Variants in NDST4 observed in about 807,000 individuals in gnomAD.
The protein encoded by NDST4 is N-deacetylase and N-sulfotransferase 4.
A neutral mutation model predicts 100.8 loss-of-function variants in NDST4; 63 were observed. That is an observed-to-expected ratio of 0.62 (90% CI 0.51 to 0.77). The LOEUF is 0.77. Ranked by LOEUF, NDST4 falls within the 30% of genes least tolerant of loss-of-function variation. The probability of loss-of-function intolerance (pLI) is 0.00; values close to 1 mark genes in which losing one functional copy is unlikely to be tolerated. For missense variants in NDST4, 943 were observed against 1,018.4 expected, an observed-to-expected ratio of 0.93 and a Z score of 1.01; for synonymous variants, 377 against 361.8, an observed-to-expected ratio of 1.04 and a Z score of -0.48.
At chr4:115,085,065 A>G (rs1371165698) in intron 1 of NDST4, among the ~76,000 whole-genome samples, 1 of 152,198 alleles carries the variant, frequency 6.6e-6, no homozygotes, top group East Asian at 1.9e-4. Context: ...GGAGCTCCCC[A>G]AGGCCATGGG....
At position 115,076,281 on chromosome 4, in the gene NDST4, G is replaced by C. The variant is rs753361023; in HGVS notation, c.756C>G (p.Leu252=). 6.2e-7 allele frequency: 1 copy of C among 1,614,006 alleles called. No homozygotes were observed. The highest frequency in any genetic ancestry group is 8.5e-7 in the Non-Finnish European group (1 of 1,179,936). The part of the protein sequence containing the change: ...KSLSSLSSKT[L]FATVIQDLGL... ...CCAGATCCTGAATCACCGTTGCAAA[G>C]AGTGTTTTGCTAGACAAGGATGACA... Residue 252 remains leucine, a synonymous_variant, in exon 2 of 14, where the codon CTC becomes CTG. Transcript: ENST00000264363.
chr4:114,936,963 G>A (rs58633184), intron 5 of NDST4, among the ~76,000 whole-genome samples: 1,796 of 152,262 alleles, frequency 0.012, 38 homozygotes, highest in African/African-American at 0.041. Flanking sequence ...TACTCTGCCT[G>A]TAAAACTCTC....
chr4:115,038,994 T>A lies in NDST4; in HGVS notation c.978+37065A>T, dbSNP rs192809700. Among the ~76,000 whole-genome samples, 515 of 152,032 alleles carry A rather than the reference T, an allele frequency of 3.4e-3. 3 individuals carry two copies. Among genetic ancestry groups the A allele is most frequent in the Non-Finnish European group, 4.0e-3 (275 of 67,944 alleles). ...TACTACCTCAGAAAGAAAAAAAAAA[T>A]TCTCAAAATATGTTGTCAGCAGCAT... On this transcript the variant is annotated intron_variant, in intron 2 of 13. Coordinates refer to ENST00000264363, the MANE Select transcript of NDST4 (RefSeq NM_022569.3).
In NDST4 at chr4:115,036,916, G is replaced by T. The variant is rs181393351; in HGVS notation, c.978+39143C>A. ...ATATATTTATCTGCAAATAAAATGG[G>T]TTAAATAAAAAGCACAAGTTAGTTA... On this transcript the variant is annotated intron_variant, in intron 2 of 13. Transcript: ENST00000264363. 3.4e-3 allele frequency among the ~76,000 whole-genome samples: 518 copies of T among 151,838 alleles called. 3 individuals are homozygous for T. Among genetic ancestry groups the T allele is most frequent in the Non-Finnish European group, 4.1e-3 (277 of 67,868 alleles).
intron 2 of NDST4, among the ~76,000 whole-genome samples, chr4:115,049,271 G>A (rs557292507): frequency 2.6e-5 from 4 of 151,662 alleles, no homozygotes; most frequent in Non-Finnish European, 5.9e-5. Context: ...GGAAAAGGGC[G>A]ATCATTAAAG....
At position 115,076,271 on chromosome 4, in the gene NDST4, C is replaced by A; in HGVS notation, c.766G>T (p.Val256Leu). 1 of 1,613,980 alleles carries A rather than the reference C, an allele frequency of 6.2e-7. No homozygotes were observed. Among genetic ancestry groups the A allele is most frequent in the Non-Finnish European group, 8.5e-7 (1 of 1,179,932 alleles). Residue 256 changes from valine to leucine, a missense_variant, in exon 2 of 14, where the codon GTG becomes TTG. This residue lies in a region of NDST4 where 417 missense variants were observed against 384.2 expected (regional missense o/e 1.09). Transcript: ENST00000264363. ...TCATGAAGCCCCAGATCCTGAATCA[C>A]CGTTGCAAAGAGTGTTTTGCTAGAC... ...SLSSKTLFAT[V>L]IQDLGLHDGI... is the part of the protein sequence containing the mutation.
chr4:115,072,762 T>C (rs1157099182), intron 2 of NDST4, among the ~76,000 whole-genome samples: 2 of 151,940 alleles, frequency 1.3e-5, no homozygotes, highest in Non-Finnish European at 2.9e-5. Flanking sequence ...GGAACTTCTA[T>C]GATGTTGGTC....
At chr4:115,087,854 A>G (rs1279856595) in intron 1 of NDST4, among the ~76,000 whole-genome samples, 2 of 151,910 alleles carry the variant, frequency 1.3e-5, no homozygotes, top group African/African-American at 4.8e-5. Context: ...AACAAAATTT[A>G]TGTATATTTT....
chr4:114,900,286 T>C (rs1724807258), intron 6 of NDST4, among the ~76,000 whole-genome samples: 1 of 152,068 alleles, frequency 6.6e-6, no homozygotes, highest in African/African-American at 2.4e-5. Context: ...CAGCTTTTGG[T>C]TTCTTGATTT....
At chr4:114,852,530 T>C (rs756046217) in intron 8 of NDST4, among the ~76,000 whole-genome samples, 195 bp downstream of exon 8, 6 of 152,132 alleles carry the variant, frequency 3.9e-5, no homozygotes, top group Non-Finnish European at 7.4e-5. Context: ...GGCTACTTAG[T>C]GGGAAACTTT....
chr4:114,902,963 T>C (rs1441829279), intron 6 of NDST4, among the ~76,000 whole-genome samples: 1 of 152,124 alleles, frequency 6.6e-6, no homozygotes, highest in African/African-American at 2.4e-5. Context: ...ACATTACATC[T>C]ATTTACATTG....
At chr4:114,973,433 T>C (rs1417947742) in intron 3 of NDST4, among the ~76,000 whole-genome samples, 1 of 151,972 alleles carries the variant, frequency 6.6e-6, no homozygotes, top group Non-Finnish European at 1.5e-5. Context: ...TTACAGACCA[T>C]TAAAATATCT....
intron 2 of NDST4, among the ~76,000 whole-genome samples, chr4:115,075,850 T>C (rs1383000): frequency 0.44 from 65,781 of 149,670 alleles, 15,574 homozygotes; most frequent in Non-Finnish European, 0.55. Flanking sequence ...TTTAATATTT[T>C]AGCTCTGTCC....
intron 2 of NDST4, among the ~76,000 whole-genome samples, chr4:115,067,587 G>C (rs1728977048): frequency 6.6e-6 from 1 of 150,838 alleles, no homozygotes; most frequent in Admixed American, 6.6e-5. Flanking sequence ...TTTTATAATA[G>C]GTTTCTTCTT....
At chr4:115,040,620 C>G (rs1042084021) in intron 2 of NDST4, among the ~76,000 whole-genome samples, 1 of 151,898 alleles carries the variant, frequency 6.6e-6, no homozygotes, top group Non-Finnish European at 1.5e-5. Flanking sequence ...TATATTAAAA[C>G]AATGAGCATC....
chr4:115,024,886 C>G (rs894370634), intron 2 of NDST4, among the ~76,000 whole-genome samples: 6 of 152,148 alleles, frequency 3.9e-5, no homozygotes, highest in African/African-American at 1.4e-4. Context: ...CAGGGTTTTT[C>G]TCTCATGAAT....
chr4:114,949,443 T>G lies in NDST4; in HGVS notation c.1222-11940A>C, dbSNP rs562263643. The stretch of plus-strand genomic sequence containing the variant: ...CAGTAAACTGAAAAACATAGGAATT[T>G]TATTTTTATTTTTTTCTCTCGTGTA... On this transcript the variant is annotated intron_variant, in intron 4 of 13. Transcript: ENST00000264363. Among the ~76,000 whole-genome samples, 5 of 152,150 alleles carry G rather than the reference T, an allele frequency of 3.3e-5. No individual in the cohort carries two copies. In the South Asian group the frequency reaches 1.0e-3, roughly 32 times the overall value.
chr4:114,999,305 G>C (rs1727232017), intron 2 of NDST4, among the ~76,000 whole-genome samples: 1 of 151,918 alleles, frequency 6.6e-6, no homozygotes, highest in East Asian at 1.9e-4. Context: ...TTTGTATCCT[G>C]GTCCGCTGTG....
chr4:114,905,796 C>G (rs1042561023), intron 6 of NDST4, among the ~76,000 whole-genome samples: 2 of 151,908 alleles, frequency 1.3e-5, no homozygotes, highest in African/African-American at 4.8e-5. Context: ...TTTAGGTAAT[C>G]AGAGAATTTT....
Sources: gnomAD v4.1 joint callset for allele counts (sites outside exome capture counted in the v4.1 genomes callset) on GRCh38, gnomAD v4.1.1 for gene constraint, gnomAD v4.1.1 regional missense constraint, MANE v1.5 for transcripts, NCBI Gene and HGNC (gene_info 2026-07-23, HGNC 2026-07-21) for gene names.